Variants in MAP6 observed in about 807,000 individuals in gnomAD.
MAP6 encodes microtubule-associated protein 6.
MAP6 carries 26 observed loss-of-function variants against 42.4 expected under a neutral mutation model. The ratio of observed to expected loss-of-function variants is 0.61; its 90% CI spans 0.45 to 0.85. MAP6 has a LOEUF of 0.85. MAP6 is among the 40% of genes least tolerant of loss of function. The pLI, the probability that MAP6 is intolerant of heterozygous loss-of-function variation, is 0.00. For synonymous variants in MAP6, 418 were observed against 443.8 expected (o/e 0.94, Z 0.73); for missense variants, 966 against 1,099.0 (o/e 0.88, Z 1.71).
chr11:75,605,779 GA>G (rs1565257701), intron 3 of MAP6, 28 bp downstream of exon 3: 1 of 1,609,224 alleles, frequency 6.2e-7, no homozygotes, highest in Non-Finnish European at 8.5e-7. Context: ...AGAGAGAGAA[GA>G]GTAAAAGGAA....
intron 1 of MAP6, among the ~76,000 whole-genome samples, chr11:75,623,995 TGTGCAGCCAGGC>T (rs555995723): frequency 6.6e-6 from 1 of 152,352 alleles, no homozygotes; most frequent in South Asian, 2.1e-4. Flanking sequence ...GCATCAGGGA[TGTGCAGCCAGGC>T]CAGCAGCGGG....
chr11:75,586,925 GAGGGACCATTTTTATT>G lies in MAP6; in HGVS notation c.*118_*133del. ...GACAGAGAGAAACATTGCTGAGCCA[GAGGGACCATTTTTATT>G]AGATTCCAGCAAGACTACTGTACAT... On this transcript the variant is annotated 3_prime_UTR_variant, in exon 4 of 4. Transcript: ENST00000304771. The G allele has an allele frequency of 9.9e-7, 1 of 1,006,308 alleles. No homozygotes were observed. Among genetic ancestry groups the G allele is most frequent in the Non-Finnish European group, 1.4e-6 (1 of 697,898 alleles). The allele number at this position is 1,006,308 out of a possible 1,614,324, so 62.3% of individuals were successfully genotyped here.
At chr11:75,655,172 T>C (rs565912007) in intron 1 of MAP6, among the ~76,000 whole-genome samples, 2 of 152,218 alleles carry the variant, frequency 1.3e-5, no homozygotes, top group Admixed American at 6.5e-5. Flanking sequence ...AGATGTTACA[T>C]TGAACTCTGA....
chr11:75,641,592 G>A (rs1273804799), intron 1 of MAP6, among the ~76,000 whole-genome samples: 1 of 152,198 alleles, frequency 6.6e-6, no homozygotes, highest in Non-Finnish European at 1.5e-5. Context: ...TCCAATGTAA[G>A]TGGTCTGGAC....
At chr11:75,595,869 C>T (rs1288280489) in intron 3 of MAP6, among the ~76,000 whole-genome samples, 1 of 152,078 alleles carries the variant, frequency 6.6e-6, no homozygotes, top group Non-Finnish European at 1.5e-5. Context: ...TCCTCTCTCT[C>T]TTCCCTGCCT....
At chr11:75,652,421 CTGAT>C (rs1276958177) in intron 1 of MAP6, among the ~76,000 whole-genome samples, 1 of 152,182 alleles carries the variant, frequency 6.6e-6, no homozygotes, top group Non-Finnish European at 1.5e-5. Context: ...TGCTGCCTGC[CTGAT>C]TGTTTTGCCT....
intron 1 of MAP6, among the ~76,000 whole-genome samples, chr11:75,659,964 G>T (rs138612546): frequency 2.4e-4 from 36 of 152,114 alleles, no homozygotes; most frequent in South Asian, 8.3e-4. Flanking sequence ...GGTTAGTCTT[G>T]GTCAGCATTG....
chr11:75,627,823 C>A (rs1345228147), intron 1 of MAP6, among the ~76,000 whole-genome samples: 2 of 152,116 alleles, frequency 1.3e-5, no homozygotes, highest in Non-Finnish European at 2.9e-5. Context: ...AAAAATACTA[C>A]AATTAGGAGC....
rs1214197623 is a variant in MAP6 at position 75,608,144 on chromosome 11, T to C, written c.1084A>G (p.Ser362Gly). 3 of 1,614,060 alleles carry C rather than the reference T, an allele frequency of 1.9e-6. No individual in the cohort carries two copies. The highest frequency in any genetic ancestry group is 3.3e-5 in the Admixed American group (2 of 60,014). ...TCCTTGAAGGGTTCGCTGTAGAGGCTGCGTATTCTTCTGCGATCAATGACC... is the reference window on the plus strand; with the variant it reads ...TCCTTGAAGGGTTCGCTGTAGAGGCCGCGTATTCTTCTGCGATCAATGACC... ...NKVIDRRRIR[S>G]LYSEPFKEPP... is the part of the protein sequence containing the mutation. The change falls in exon 2 of 4, where the codon AGC becomes GGC. Residue 362 changes from serine (S) to glycine (G), a missense_variant. Transcript: ENST00000304771.
intron 1 of MAP6, among the ~76,000 whole-genome samples, chr11:75,611,091 TTTGGG>T (rs1942888747): frequency 6.6e-6 from 1 of 152,150 alleles, no homozygotes; most frequent in African/African-American, 2.4e-5. Flanking sequence ...CCAGGGAACA[TTTGGG>T]GCTGTGGCCA....
At chr11:75,658,816 C>G (rs940432569) in intron 1 of MAP6, among the ~76,000 whole-genome samples, 1 of 152,190 alleles carries the variant, frequency 6.6e-6, no homozygotes, top group Non-Finnish European at 1.5e-5. Flanking sequence ...ATCCATTCTC[C>G]CATTTACCGC....
intron 1 of MAP6, among the ~76,000 whole-genome samples, chr11:75,646,060 C>T (rs1450719754): frequency 1.3e-5 from 2 of 151,344 alleles, no homozygotes; most frequent in Non-Finnish European, 2.9e-5. Context: ...TAGTCTCAAG[C>T]ATGATCCATA....
chr11:75,662,762 AC>A (rs1943875317), intron 1 of MAP6, among the ~76,000 whole-genome samples: 1 of 152,156 alleles, frequency 6.6e-6, no homozygotes, highest in African/African-American at 2.4e-5. Flanking sequence ...CCCAGGCTAC[AC>A]CCCAGACCAA....
chr11:75,616,453 A>T (rs1374533905), intron 1 of MAP6, among the ~76,000 whole-genome samples: 2 of 152,216 alleles, frequency 1.3e-5, no homozygotes, highest in African/African-American at 4.8e-5. Context: ...TCCGTTCAAA[A>T]ATCTTGTCTA....
chr11:75,600,508 A>G (rs1942647599), intron 3 of MAP6, among the ~76,000 whole-genome samples: 1 of 152,160 alleles, frequency 6.6e-6, no homozygotes, highest in African/African-American at 2.4e-5. Flanking sequence ...GTTGAAACAC[A>G]TGCCCGGTTC....
At chr11:75,658,411 G>C (rs1188934562) in intron 1 of MAP6, among the ~76,000 whole-genome samples, 1 of 150,456 alleles carries the variant, frequency 6.6e-6, no homozygotes, top group East Asian at 2.0e-4. Flanking sequence ...CCCCGCCCCA[G>C]ACAGCCAAAA....
intron 1 of MAP6, among the ~76,000 whole-genome samples, chr11:75,649,379 G>C (rs1943611633): frequency 6.6e-6 from 1 of 152,110 alleles, no homozygotes; most frequent in South Asian, 2.1e-4. Context: ...GGATGAAGAG[G>C]TATACATGAA....
intron 1 of MAP6, among the ~76,000 whole-genome samples, chr11:75,650,531 A>C (rs1204753407): frequency 6.6e-6 from 1 of 152,180 alleles, no homozygotes; most frequent in Non-Finnish European, 1.5e-5. Flanking sequence ...GTAATCCAAG[A>C]ACATAGTTCA....
chr11:75,590,204 C>T (rs1389117281), intron 3 of MAP6, among the ~76,000 whole-genome samples: 3 of 152,090 alleles, frequency 2.0e-5, no homozygotes, highest in Non-Finnish European at 2.9e-5. Context: ...AAAGAAAAAC[C>T]GAATTCAGAA....
Sources: gnomAD v4.1 joint callset for allele counts (sites outside exome capture counted in the v4.1 genomes callset) on GRCh38, gnomAD v4.1.1 for gene constraint, MANE v1.5 for transcripts, NCBI Gene and HGNC (gene_info 2026-07-23, HGNC 2026-07-21) for gene names.